Variants in COBL observed in about 807,000 individuals in gnomAD.
COBL encodes the protein protein cordon-bleu.
In COBL, 51 loss-of-function variants were observed where a neutral mutation model predicts 98.8. The observed-to-expected ratio is 0.52, with a 90% CI of 0.41 to 0.65. The LOEUF (loss-of-function observed/expected upper bound fraction) is 0.65. COBL is among the 30% of genes least tolerant of loss of function. The pLI is 0.00. For synonymous variants in COBL, 634 were observed against 651.7 expected (o/e 0.97, Z 0.41); for missense variants, 1,617 against 1,617.5 (o/e 1.00, Z 0.01).
intron 5 of COBL, among the ~76,000 whole-genome samples, chr7:51,150,104 A>C (rs558792530): frequency 2.6e-5 from 4 of 152,276 alleles, no homozygotes; most frequent in South Asian, 2.1e-4. Flanking sequence ...CACACACACA[A>C]AAAACACTGC....
chr7:51,128,079 G>C (rs1247486421), intron 6 of COBL, among the ~76,000 whole-genome samples: 1 of 152,196 alleles, frequency 6.6e-6, no homozygotes, highest in African/African-American at 2.4e-5. Context: ...TGGATACATA[G>C]AAACCCCACC....
At position 51,028,514 on chromosome 7, in the gene COBL, C is replaced by T. The variant is rs757665351; in HGVS notation, c.2582G>A (p.Arg861Lys). The T allele has an allele frequency of 6.2e-7, 1 of 1,614,290 alleles. No individual in the cohort carries two copies. The highest frequency in any genetic ancestry group is 1.3e-5 in the African/African-American group (1 of 75,080). The change falls in exon 10 of 13, where the codon AGA becomes AAA. Residue 861 changes from arginine (R) to lysine (K), a missense_variant. Physicochemically the swap from Arg to Lys is conservative, Grantham distance 26 (BLOSUM62 2). Transcript: ENST00000265136. ...TTEVTFLKPQRRTSSQYVASA... is the reference protein window; with the variant it reads ...TTEVTFLKPQKRTSSQYVASA... ...GGCCACATACTGGCTGGACGTTCTT[C>T]TCTGAGGCTTGAGAAATGTGACTTC...
intron 1 of COBL, among the ~76,000 whole-genome samples, chr7:51,312,647 T>C (rs1037017091): frequency 2.0e-5 from 3 of 152,192 alleles, no homozygotes; most frequent in Non-Finnish European, 4.4e-5. Flanking sequence ...TATGACTTCA[T>C]TCCCTGGATC....
At chr7:51,175,854 G>C (rs978070458) in intron 5 of COBL, among the ~76,000 whole-genome samples, 26 of 152,160 alleles carry the variant, frequency 1.7e-4, no homozygotes, top group African/African-American at 6.0e-4. Context: ...CTTGCTTATG[G>C]GCTCAGAGAC....
intron 6 of COBL, among the ~76,000 whole-genome samples, chr7:51,130,232 T>C (rs1377018522): frequency 6.6e-6 from 1 of 152,168 alleles, no homozygotes; most frequent in East Asian, 1.9e-4. Context: ...TTGCTGAGCC[T>C]CAGCCGACCT....
At chr7:51,209,833 A>G (rs1293666323) in intron 2 of COBL, among the ~76,000 whole-genome samples, 4 of 152,140 alleles carry the variant, frequency 2.6e-5, no homozygotes, top group Non-Finnish European at 5.9e-5. Context: ...CTACCCAGTA[A>G]ACAGATACAA....
chr7:51,140,175 A>G (rs925983922), intron 5 of COBL, among the ~76,000 whole-genome samples: 2 of 152,164 alleles, frequency 1.3e-5, no homozygotes, highest in African/African-American at 4.8e-5. Context: ...AAAACTAAGC[A>G]AACAGAACCT....
chr7:51,019,242 G>A (rs1337345401), intron 12 of COBL, among the ~76,000 whole-genome samples: 1 of 151,818 alleles, frequency 6.6e-6, no homozygotes, highest in African/African-American at 2.4e-5. Context: ...ATTTGATGAG[G>A]TCATGGGGGT....
chr7:51,307,395 G>C lies in COBL; in HGVS notation c.41+9198C>G, dbSNP rs139483556. Among the ~76,000 whole-genome samples the C allele has an allele frequency of 4.6e-5, 6 of 129,342 alleles. No homozygotes were observed. In the East Asian group the frequency reaches 1.0e-3, roughly 22 times the overall value. The allele number at this position is 129,342 out of a possible 152,430, so 84.9% of individuals were successfully genotyped here. A position where few individuals can be genotyped will look rare whatever the true frequency, so the allele number is the denominator to read the frequency against. The stretch of plus-strand genomic sequence containing the variant: ...ACAAAAACAAAAAAAGGAGAGGACA[G>C]TACTGTCCTACCAACATCAGAGGGC... On this transcript the variant is annotated intron_variant, in intron 1 of 12. Transcript: ENST00000265136.
At chr7:51,225,016 TGTGGATGGCCTGTGCAC>T (rs1017866558) in intron 1 of COBL, among the ~76,000 whole-genome samples, 1 of 152,082 alleles carries the variant, frequency 6.6e-6, no homozygotes, top group Admixed American at 6.6e-5. Context: ...GGACTGTGTG[TGTGGATGGCCTGTGCAC>T]GTGGATGGCC....
intron 7 of COBL, among the ~76,000 whole-genome samples, chr7:51,075,693 T>G (rs1413357296): frequency 6.6e-6 from 1 of 152,238 alleles, no homozygotes; most frequent in Non-Finnish European, 1.5e-5. Context: ...AGTTCTTTAA[T>G]TCTCTCAAGT....
chr7:51,316,251 C>T (rs1037603102), intron 1 of COBL: 1 of 212,558 alleles, frequency 4.7e-6, no homozygotes. Context: ...CTACGGCAAA[C>T]ACTTGGGGGG....
chr7:51,171,221 G>C (rs547888591), intron 5 of COBL, among the ~76,000 whole-genome samples: 6 of 152,198 alleles, frequency 3.9e-5, no homozygotes, highest in South Asian at 4.1e-4. Flanking sequence ...GTGTGAATGA[G>C]TAACAAATCA....
intron 7 of COBL, among the ~76,000 whole-genome samples, chr7:51,064,224 G>A (rs2128914502): frequency 6.6e-6 from 1 of 152,234 alleles, no homozygotes; most frequent in African/African-American, 2.4e-5. Flanking sequence ...GCTGATGTGG[G>A]GTAAGTGAGC....
At chr7:51,109,313 G>C (rs1035923866) in intron 6 of COBL, among the ~76,000 whole-genome samples, 4 of 152,220 alleles carry the variant, frequency 2.6e-5, no homozygotes, top group African/African-American at 9.6e-5. Flanking sequence ...CACCCTGTGA[G>C]CTCCAGACAA....
At chr7:51,036,880 T>G (rs1039624596) in intron 8 of COBL, among the ~76,000 whole-genome samples, 2 of 152,360 alleles carry the variant, frequency 1.3e-5, no homozygotes, top group Middle Eastern at 3.4e-3. Context: ...GTGGAATTGA[T>G]GTTCCCAAAA....
At chr7:51,220,358 T>C (rs1335215708) in intron 1 of COBL, among the ~76,000 whole-genome samples, 2 of 152,094 alleles carry the variant, frequency 1.3e-5, no homozygotes, top group Admixed American at 1.3e-4. Context: ...TTGCCCCAGC[T>C]CCAAATCTAT....
At chr7:51,070,425 A>ACACAC (rs57774327) in intron 7 of COBL, among the ~76,000 whole-genome samples, 2 of 151,752 alleles carry the variant, frequency 1.3e-5, no homozygotes, top group Non-Finnish European at 1.5e-5. Context: ...ACACACACAC[A>ACACAC]AAATTCCGAG....
At chr7:51,212,089 C>T (rs1036057580) in intron 2 of COBL, among the ~76,000 whole-genome samples, 1 of 152,094 alleles carries the variant, frequency 6.6e-6, no homozygotes, top group Non-Finnish European at 1.5e-5. Flanking sequence ...CTCTGTTACC[C>T]CAAATGCCTT....
Sources: allele counts gnomAD v4.1 joint callset (sites outside exome capture counted in the v4.1 genomes callset), GRCh38; gene constraint gnomAD v4.1.1; transcripts MANE v1.5; gene names NCBI Gene and HGNC (gene_info 2026-07-23, HGNC 2026-07-21).